Variants in ACSS3 observed in about 807,000 individuals in gnomAD.
ACSS3 encodes the protein acyl-CoA synthetase short-chain family member 3, mitochondrial.
In ACSS3, 64 loss-of-function variants were observed where a neutral mutation model predicts 84.2. That is an observed-to-expected ratio of 0.76 (90% CI 0.62 to 0.94). ACSS3 has a LOEUF of 0.94. Among genes scored for constraint, ACSS3 ranks in the 40% least tolerant of loss-of-function variants. The probability of loss-of-function intolerance (pLI) is 0.00; values close to 1 mark genes in which losing one functional copy is unlikely to be tolerated. For synonymous variants in ACSS3, 317 were observed against 310.1 expected, an observed-to-expected ratio of 1.02 and a Z score of -0.23; for missense variants, 815 against 867.6, an observed-to-expected ratio of 0.94 and a Z score of 0.76.
chr12:81,221,053 G>T (rs572534745), intron 11 of ACSS3, among the ~76,000 whole-genome samples: 2 of 151,832 alleles, frequency 1.3e-5, no homozygotes, highest in African/African-American at 4.8e-5. Context: ...TTAAATTATT[G>T]TTCATTTGAT....
chr12:81,224,816 G>T (rs2033219373), intron 11 of ACSS3, among the ~76,000 whole-genome samples: 1 of 151,848 alleles, frequency 6.6e-6, no homozygotes, highest in Non-Finnish European at 1.5e-5. Flanking sequence ...GTGCATCCAT[G>T]TTTTCTACGC....
At chr12:81,102,398 A>G (rs1284319746) in intron 1 of ACSS3, among the ~76,000 whole-genome samples, 1 of 152,128 alleles carries the variant, frequency 6.6e-6, no homozygotes, top group Admixed American at 6.5e-5. Flanking sequence ...GGCCCAGAAA[A>G]GTTTGTGTGA....
At chr12:81,136,299 T>A (rs7964672) in intron 3 of ACSS3, among the ~76,000 whole-genome samples, 6,682 of 152,148 alleles carry the variant, frequency 0.044, 368 homozygotes, top group African/African-American at 0.12. Flanking sequence ...TAGTAAATAT[T>A]TTAGGCAGTA....
rs752709742 is a variant in ACSS3 at position 81,078,088 on chromosome 12, C to T, written c.-33C>T. ...AGGAAGTTGCAAGAGTACCATTTGT[C>T]GCACACTCGGGGACCGCGGGTGGCC... On this transcript the variant is annotated 5_prime_UTR_variant, in exon 1 of 16. Transcript: ENST00000548058. The T allele has an allele frequency of 1.3e-5, 19 of 1,450,332 alleles. No homozygotes were observed. Among genetic ancestry groups the T allele is most frequent in the Non-Finnish European group, 1.5e-5 (17 of 1,102,804 alleles). The allele number at this position is 1,450,332 out of a possible 1,614,324, so 89.8% of individuals were successfully genotyped here.
chr12:81,107,344 C>G (rs1883098885), intron 1 of ACSS3, among the ~76,000 whole-genome samples: 1 of 151,158 alleles, frequency 6.6e-6, no homozygotes, highest in Non-Finnish European at 1.5e-5. Context: ...AGGGAAGCCC[C>G]TTTTTTGGGT....
At chr12:81,234,516 C>A (rs910300242) in intron 13 of ACSS3, among the ~76,000 whole-genome samples, 10 of 151,422 alleles carry the variant, frequency 6.6e-5, no homozygotes, top group African/African-American at 2.4e-4. Context: ...TAGCCACCAG[C>A]AGTATTTAAG....
chr12:81,248,182 G>A (rs944678423), intron 13 of ACSS3, among the ~76,000 whole-genome samples: 3 of 151,936 alleles, frequency 2.0e-5, no homozygotes, highest in African/African-American at 7.2e-5. Context: ...ACTACCATAA[G>A]GTCTTGCAAT....
intron 1 of ACSS3, among the ~76,000 whole-genome samples, chr12:81,079,860 A>G (rs12302751): frequency 6.6e-6 from 1 of 152,154 alleles, no homozygotes; most frequent in Non-Finnish European, 1.5e-5. Context: ...TGGAGGCTTA[A>G]CTTAGTAAAG....
intron 9 of ACSS3, among the ~76,000 whole-genome samples, chr12:81,201,063 A>G (rs2032085152): frequency 1.3e-5 from 2 of 152,192 alleles, no homozygotes; most frequent in South Asian, 4.1e-4. Context: ...GGGGAAAATT[A>G]TTTAAACTCA....
At chr12:81,127,224 T>A (rs889202225) in intron 2 of ACSS3, among the ~76,000 whole-genome samples, 2 of 151,914 alleles carry the variant, frequency 1.3e-5, no homozygotes, top group African/African-American at 4.8e-5. Flanking sequence ...ATTGTAACTG[T>A]CTAAAAATGT....
At chr12:81,102,021 T>C (rs1193384216) in intron 1 of ACSS3, among the ~76,000 whole-genome samples, 4 of 149,594 alleles carry the variant, frequency 2.7e-5, no homozygotes, top group African/African-American at 9.8e-5. Context: ...CCTGGCTTTA[T>C]ATTCTCTTCT....
intron 9 of ACSS3, among the ~76,000 whole-genome samples, chr12:81,209,274 G>A (rs891069838): frequency 1.3e-5 from 2 of 151,920 alleles, no homozygotes; most frequent in African/African-American, 4.8e-5. Context: ...CTGCAGGCTA[G>A]GAGAATGTTT....
At chr12:81,170,730 A>G (rs181538321) in intron 7 of ACSS3, among the ~76,000 whole-genome samples, 35 of 152,194 alleles carry the variant, frequency 2.3e-4, no homozygotes, top group Non-Finnish European at 1.0e-4. Context: ...TGTCTGGGTT[A>G]TTTCCCCTTA....
chr12:81,118,803 G>A (rs2121528121), intron 2 of ACSS3, among the ~76,000 whole-genome samples: 1 of 152,254 alleles, frequency 6.6e-6, no homozygotes, highest in South Asian at 2.1e-4. Context: ...TTTAGGCAGT[G>A]GGGCCATAAA....
chr12:81,236,107 C>G (rs1188172507), intron 13 of ACSS3, among the ~76,000 whole-genome samples: 1 of 151,404 alleles, frequency 6.6e-6, no homozygotes, highest in Non-Finnish European at 1.5e-5. Flanking sequence ...TAAACACACA[C>G]TTTATCAAAC....
chr12:81,207,063 G>GA (rs1389123717), intron 9 of ACSS3, among the ~76,000 whole-genome samples: 1 of 152,112 alleles, frequency 6.6e-6, no homozygotes, highest in East Asian at 1.9e-4. Flanking sequence ...TAAACGCTGG[G>GA]AAATCGATTA....
chr12:81,103,575 G>A (rs10862242), intron 1 of ACSS3, among the ~76,000 whole-genome samples: 13,000 of 152,114 alleles, frequency 0.085, 790 homozygotes, highest in Non-Finnish European at 0.13. Flanking sequence ...TTCATTACCT[G>A]TAACTGCCTC....
At chr12:81,127,400 G>T (rs1432287708) in intron 2 of ACSS3, among the ~76,000 whole-genome samples, 2 of 152,212 alleles carry the variant, frequency 1.3e-5, no homozygotes, top group African/African-American at 4.8e-5. Context: ...ATGGACTAAA[G>T]AATAAGTTGT....
intron 5 of ACSS3, among the ~76,000 whole-genome samples, chr12:81,145,829 C>A (rs1273989599): frequency 6.6e-6 from 1 of 152,166 alleles, no homozygotes; most frequent in African/African-American, 2.4e-5. Context: ...AAGAGTTACA[C>A]ATATGGGGTT....
Sources: allele counts gnomAD v4.1 joint callset (sites outside exome capture counted in the v4.1 genomes callset), GRCh38; gene constraint gnomAD v4.1.1; transcripts MANE v1.5; gene names NCBI Gene and HGNC (gene_info 2026-07-23, HGNC 2026-07-21).